Variants in DPP10 observed in about 807,000 individuals in gnomAD.
DPP10 encodes the protein dipeptidyl peptidase like 10.
In DPP10, 33 loss-of-function variants were observed where a neutral mutation model predicts 120.9. That is an observed-to-expected ratio of 0.27 (90% confidence interval 0.21 to 0.37). DPP10 has a LOEUF of 0.37. DPP10 is among the 10% of genes least tolerant of loss of function. The probability of loss-of-function intolerance (pLI) is 1.00; values close to 1 mark genes in which losing one functional copy is unlikely to be tolerated. For missense variants in DPP10, 816 were observed against 942.8 expected, an observed-to-expected ratio of 0.87 and a Z score of 1.76; for synonymous variants, 337 against 326.1, an observed-to-expected ratio of 1.03 and a Z score of -0.36.
At chr2:114,718,322 T>C (rs1701485907) in intron 1 of DPP10, among the ~76,000 whole-genome samples, 1 of 145,762 alleles carries the variant, frequency 6.9e-6, no homozygotes, top group Admixed American at 7.2e-5. Flanking sequence ...AATCGCTTGA[T>C]CCTGGGAGGC....
intron 1 of DPP10, among the ~76,000 whole-genome samples, chr2:115,124,671 T>C (rs2049985367): frequency 6.6e-6 from 1 of 152,256 alleles, no homozygotes; most frequent in East Asian, 1.9e-4. Flanking sequence ...GCCAATTAGT[T>C]ACTTATGTAA....
At chr2:115,476,365 C>T (rs562945302) in intron 3 of DPP10, among the ~76,000 whole-genome samples, 1 of 152,124 alleles carries the variant, frequency 6.6e-6, no homozygotes, top group Non-Finnish European at 1.5e-5. Context: ...TTGTAAGCTT[C>T]CTGAGGCCTC....
intron 1 of DPP10, among the ~76,000 whole-genome samples, chr2:114,830,988 A>G (rs1687050303): frequency 7.5e-6 from 1 of 134,144 alleles, no homozygotes; most frequent in African/African-American, 2.7e-5. Context: ...TTATTTTTCA[A>G]CCTGCAGTGG....
At chr2:115,040,226 C>T (rs1704533576) in intron 1 of DPP10, among the ~76,000 whole-genome samples, 1 of 151,584 alleles carries the variant, frequency 6.6e-6, no homozygotes, top group South Asian at 2.1e-4. Context: ...CAGGTCCAAA[C>T]CATATCACCA....
chr2:115,232,987 G>T (rs1312470204), intron 1 of DPP10, among the ~76,000 whole-genome samples: 5 of 152,032 alleles, frequency 3.3e-5, no homozygotes. Flanking sequence ...AAGGACTAGA[G>T]TTGAGAACTA....
intron 4 of DPP10, among the ~76,000 whole-genome samples, chr2:115,520,894 C>T (rs2077764596): frequency 6.6e-6 from 1 of 152,136 alleles, no homozygotes; most frequent in Non-Finnish European, 1.5e-5. Flanking sequence ...AATGGGGCCT[C>T]TTAATAGGGA....
intron 1 of DPP10, chr2:115,297,371 G>T (rs1263256070): frequency 2.3e-5 from 6 of 262,566 alleles, no homozygotes; most frequent in Non-Finnish European, 4.1e-5. Flanking sequence ...GCTCTACAAT[G>T]AATATTCCAC....
chr2:115,836,651 G>C, intron 23 of DPP10, 23 bp from the exon 24 acceptor site: 1 of 1,610,906 alleles, frequency 6.2e-7, no homozygotes, highest in African/African-American at 1.3e-5. Context: ...TATAGATACA[G>C]ATATTTGTAT....
intron 1 of DPP10, among the ~76,000 whole-genome samples, chr2:114,705,085 G>A (rs552957421): frequency 6.6e-6 from 1 of 152,218 alleles, no homozygotes; most frequent in South Asian, 2.1e-4. Context: ...CCCAGTATAT[G>A]GTATTATGTT....
chr2:115,310,675 C>A (rs1165286627), intron 2 of DPP10, among the ~76,000 whole-genome samples: 1 of 152,144 alleles, frequency 6.6e-6, no homozygotes, highest in Non-Finnish European at 1.5e-5. Context: ...AGTACAATGT[C>A]ATTGAGCAAT....
intron 1 of DPP10, among the ~76,000 whole-genome samples, chr2:114,663,664 TATATAG>T (rs1299138732): frequency 7.8e-4 from 74 of 95,434 alleles, no homozygotes; most frequent in African/African-American, 1.8e-3. Flanking sequence ...TATATATATA[TATATAG>T]AGAGAGAGAG....
chr2:115,728,673 T>A (rs1368035649), intron 8 of DPP10, among the ~76,000 whole-genome samples: 1 of 152,200 alleles, frequency 6.6e-6, no homozygotes, highest in Non-Finnish European at 1.5e-5. Context: ...TGAATTTTAT[T>A]TCATGGGCAA....
intron 1 of DPP10, among the ~76,000 whole-genome samples, chr2:114,696,335 C>G (rs887656025): frequency 2.6e-5 from 4 of 151,978 alleles, no homozygotes; most frequent in African/African-American, 9.7e-5. Context: ...TATGGAAAAT[C>G]TTATACAAGT....
intron 5 of DPP10, among the ~76,000 whole-genome samples, chr2:115,580,413 CTG>C (rs1223313365): frequency 2.0e-5 from 3 of 152,222 alleles, no homozygotes; most frequent in African/African-American, 7.2e-5. Flanking sequence ...ATTATCATAA[CTG>C]TTTTTATTGA....
At chr2:115,803,691 G>T (rs1227967468) in intron 19 of DPP10, among the ~76,000 whole-genome samples, 1 of 152,106 alleles carries the variant, frequency 6.6e-6, no homozygotes, top group East Asian at 1.9e-4. Flanking sequence ...CACGTATGAA[G>T]CTCAGTTTGG....
rs959600720 is a variant in DPP10 at position 114,489,305 on chromosome 2, T to G, written c.60+46467T>G. Among the ~76,000 whole-genome samples the G allele has an allele frequency of 3.9e-5, 6 of 152,308 alleles. No individual in the cohort carries two copies. The East Asian group carries it at 1.2e-3, about 29-fold the overall frequency. On this transcript the variant is annotated intron_variant, in intron 1 of 25. Coordinates refer to ENST00000410059, the MANE Select transcript of DPP10 (RefSeq NM_020868.6). ...GCCTTCCTGAGCAGCTGCCAACAGA[T>G]GCACAGCCCTTGGGCCAAGTTCAGC... is the stretch of plus-strand genomic sequence containing the variant.
intron 1 of DPP10, among the ~76,000 whole-genome samples, chr2:114,671,775 G>A (rs1168109940): frequency 6.6e-6 from 1 of 152,026 alleles, no homozygotes; most frequent in Non-Finnish European, 1.5e-5. Flanking sequence ...CAGTTGTGTT[G>A]TGTGCGTTTA....
intron 7 of DPP10, among the ~76,000 whole-genome samples, chr2:115,709,506 T>C (rs1397394882): frequency 1.3e-5 from 2 of 151,992 alleles, no homozygotes; most frequent in Admixed American, 6.6e-5. Flanking sequence ...AATACACCTA[T>C]CTTAAATCTA....
chr2:114,726,443 T>C (rs920951325), intron 1 of DPP10, among the ~76,000 whole-genome samples: 1 of 152,198 alleles, frequency 6.6e-6, no homozygotes, highest in Admixed American at 6.5e-5. Context: ...ACACTTTTAA[T>C]ATTTCTTTTG....
Sources: gnomAD v4.1 joint callset for allele counts (sites outside exome capture counted in the v4.1 genomes callset) on GRCh38, gnomAD v4.1.1 for gene constraint, MANE v1.5 for transcripts, NCBI Gene and HGNC (gene_info 2026-07-23, HGNC 2026-07-21) for gene names.